The following NUMB variants were observed in gnomAD, a reference collection of about 807,000 sequenced individuals.
NUMB encodes protein numb homolog.
A neutral mutation model predicts 59.7 loss-of-function variants in NUMB; 29 were observed. That is an observed-to-expected ratio of 0.49 (90% confidence interval 0.36 to 0.66). The LOEUF is 0.66. Ranked by LOEUF, NUMB falls within the 30% of genes least tolerant of loss-of-function variation. NUMB has a pLI of 0.00. For missense variants in NUMB, 723 were observed against 822.0 expected, an observed-to-expected ratio of 0.88 and a Z score of 1.47; for synonymous variants, 288 against 288.2, an observed-to-expected ratio of 1.00 and a Z score of 0.01.
At chr14:73,445,381 A>AAAAAAC (rs1883413055) in intron 1 of NUMB, among the ~76,000 whole-genome samples, 2 of 129,790 alleles carry the variant, frequency 1.5e-5, no homozygotes, top group South Asian at 2.5e-4. Flanking sequence ...AAAAAAAAAA[A>AAAAAAC]AAAAAAAAAA....
intron 5 of NUMB, among the ~76,000 whole-genome samples, chr14:73,316,936 A>G (rs558397926): frequency 5.4e-4 from 82 of 152,330 alleles, no homozygotes; most frequent in Middle Eastern, 6.8e-3. Context: ...AATACGTAAA[A>G]TTAAATGAGT....
intron 1 of NUMB, among the ~76,000 whole-genome samples, chr14:73,426,765 T>G (rs1227254049): frequency 6.6e-6 from 1 of 152,038 alleles, no homozygotes; most frequent in Non-Finnish European, 1.5e-5. Context: ...GAGAATTGCT[T>G]GAACCTGGGA....
At chr14:73,350,081 A>ACACACACACACACC in intron 4 of NUMB, among the ~76,000 whole-genome samples, 1 of 143,146 alleles carries the variant, frequency 7.0e-6, no homozygotes, top group African/African-American at 2.6e-5. Flanking sequence ...ACATACATAC[A>ACACACACACACACC]CACACACACA....
At chr14:73,283,461 G>A (rs907902025) in intron 10 of NUMB, among the ~76,000 whole-genome samples, 1 of 152,180 alleles carries the variant, frequency 6.6e-6, no homozygotes, top group Non-Finnish European at 1.5e-5. Flanking sequence ...TAATACTTTA[G>A]CTACAGATTT....
At chr14:73,429,856 T>C (rs918731654) in intron 1 of NUMB, among the ~76,000 whole-genome samples, 10 of 151,750 alleles carry the variant, frequency 6.6e-5, no homozygotes, top group African/African-American at 1.9e-4. Flanking sequence ...GGCAAGAGAA[T>C]TGCTTGAAAA....
At chr14:73,445,354 CAAAAAAAAAAAAA>C (rs752154048) in intron 1 of NUMB, among the ~76,000 whole-genome samples, 51 of 57,552 alleles carry the variant, frequency 8.9e-4, no homozygotes, top group East Asian at 6.1e-3. Context: ...GACCCTGTCT[CAAAAAAAAAAAAA>C]AAAAAAAAAA....
chr14:73,376,243 T>G (rs919035011), intron 2 of NUMB, among the ~76,000 whole-genome samples: 6 of 152,140 alleles, frequency 3.9e-5, no homozygotes, highest in Admixed American at 3.9e-4. Flanking sequence ...GTCAATCACT[T>G]TCCTATATAC....
At chr14:73,333,053 T>C (rs545648803) in intron 4 of NUMB, among the ~76,000 whole-genome samples, 1 of 152,370 alleles carries the variant, frequency 6.6e-6, no homozygotes, top group South Asian at 2.1e-4. Context: ...TATAAACATG[T>C]ATTTTTCTTG....
chr14:73,355,764 A>G lies in NUMB; in HGVS notation c.-13T>C. 6.2e-7 allele frequency: 1 copy of G among 1,606,258 alleles called. No homozygotes were observed. The highest frequency in any genetic ancestry group is 8.5e-7 in the Non-Finnish European group (1 of 1,174,544). ...GTAATTTGTTCATTTTAATTTTTAC[A>G]GCCTGAAGACAGAGGAAAAAAAATA... On this transcript the variant is annotated splice_region_variant and 5_prime_UTR_variant, in exon 4 of 13. Coordinates refer to ENST00000555238, the MANE Select transcript of NUMB (RefSeq NM_001005743.2).
chr14:73,353,712 A>G (rs529291655), intron 4 of NUMB, among the ~76,000 whole-genome samples: 1 of 151,610 alleles, frequency 6.6e-6, no homozygotes, highest in South Asian at 2.1e-4. Flanking sequence ...ATCTCAAAAT[A>G]AAAAAATAAA....
chr14:73,392,409 C>G (rs569872165), intron 2 of NUMB, among the ~76,000 whole-genome samples: 1 of 152,322 alleles, frequency 6.6e-6, no homozygotes, highest in East Asian at 1.9e-4. Context: ...TAACACCTAG[C>G]TCTCCATGAT....
intron 2 of NUMB, among the ~76,000 whole-genome samples, chr14:73,403,683 T>C (rs959292066): frequency 2.6e-5 from 4 of 152,114 alleles, no homozygotes; most frequent in African/African-American, 7.2e-5. Context: ...TGGCGGGGCA[T>C]GGTGGCTCAC....
chr14:73,282,398 G>A lies in NUMB; in HGVS notation c.1057C>T (p.Pro353Ser), dbSNP rs770814574. The A allele has an allele frequency of 6.2e-7, 1 of 1,614,196 alleles. No homozygotes were observed. The highest frequency in any genetic ancestry group is 2.2e-5 in the East Asian group (1 of 44,892). Residue 353 changes from proline to serine, a missense_variant, in exon 11 of 13, where the codon CCA becomes TCA. Pro to Ser is a moderately conservative substitution (Grantham distance 74). Around this residue, in one of 2 missense-constraint regions of NUMB, gnomAD observed 406 missense variants for 385.4 expected, o/e 1.05. Coordinates refer to ENST00000555238, the MANE Select transcript of NUMB (RefSeq NM_001005743.2). ...GATTGTGGTGCCACCACTGTCACTG[G>A]TTTGGTCATCGGAGCAGATGAGAAG... ...DPFSSAPMTK[P>S]VTVVAPQSPT...
At chr14:73,416,114 G>A (rs764850199) in intron 1 of NUMB, among the ~76,000 whole-genome samples, 36 of 152,230 alleles carry the variant, frequency 2.4e-4, no homozygotes, top group Middle Eastern at 3.4e-3. Flanking sequence ...AAAGTCTTTT[G>A]TAAATTCCAT....
chr14:73,351,488 T>C (rs1036169493), intron 4 of NUMB, among the ~76,000 whole-genome samples: 2 of 151,206 alleles, frequency 1.3e-5, no homozygotes, highest in African/African-American at 2.4e-5. Context: ...CTCTGTCTCA[T>C]AAATAAATAA....
At chr14:73,420,456 ACTGT>A (rs1897307692) in intron 1 of NUMB, among the ~76,000 whole-genome samples, 1 of 151,990 alleles carries the variant, frequency 6.6e-6, no homozygotes, top group Admixed American at 6.6e-5. Context: ...TTTTTTTTCA[ACTGT>A]CTGTGTGTGC....
chr14:73,376,435 T>C (rs903304106), intron 2 of NUMB, among the ~76,000 whole-genome samples: 1 of 151,814 alleles, frequency 6.6e-6, no homozygotes, highest in African/African-American at 2.4e-5. Flanking sequence ...ATAGGCAGAC[T>C]CAATACTGTC....
intron 2 of NUMB, among the ~76,000 whole-genome samples, chr14:73,386,561 C>T (rs945628733): frequency 6.6e-6 from 1 of 152,100 alleles, no homozygotes; most frequent in Non-Finnish European, 1.5e-5. Context: ...GCCTGGTAAG[C>T]ACATACCACA....
Position 73,276,505 on chromosome 14 carries a change from C to CTGTT in NUMB, c.*69_*72dup. On this transcript the variant is annotated 3_prime_UTR_variant, in exon 13 of 13. Transcript: ENST00000555238. ...AAGAGTACTAATCAGGAGACAAAGT[C>CTGTT]TGTTTTGCTCCTTTGACCGCTACCC... 1.9e-5 allele frequency: 23 copies of CTGTT among 1,183,530 alleles called. No homozygotes were observed. Among genetic ancestry groups the CTGTT allele is most frequent in the Non-Finnish European group, 2.8e-5 (23 of 826,544 alleles). 73.3% of individuals were successfully genotyped at this position (1,183,530 alleles called of 1,614,324 possible).
Sources: allele counts gnomAD v4.1 joint callset (sites outside exome capture counted in the v4.1 genomes callset), GRCh38; gene constraint gnomAD v4.1.1; regional missense constraint gnomAD v4.1.1; transcripts MANE v1.5; gene names NCBI Gene and HGNC (gene_info 2026-07-23, HGNC 2026-07-21).